The following NAIP variants were observed in gnomAD, a reference collection of about 807,000 sequenced individuals.
NAIP encodes the protein baculoviral IAP repeat-containing protein 1.
Under a neutral mutation model 23.0 loss-of-function variants are expected in NAIP, and 15 were observed. The ratio of observed to expected loss-of-function variants is 0.65; its 90% CI spans 0.44 to 1.00. NAIP has a LOEUF of 1.00. Among genes scored for constraint, NAIP ranks in the 50% least tolerant of loss-of-function variants. The pLI is 0.00. For synonymous variants in NAIP, 100 were observed against 100.2 expected, an observed-to-expected ratio of 1.00 and a Z score of 0.01; for missense variants, 265 against 278.8, an observed-to-expected ratio of 0.95 and a Z score of 0.35.
In NAIP at chr5:71,010,507, TC is replaced by T. The variant is rs1282749028; in HGVS notation, c.668+767del. On this transcript the variant is annotated intron_variant, in intron 5 of 16. Transcript: ENST00000517649. ...ATGGTCTTGATTTCCTGACCTCGGA[TC>T]CACCGGCCTCAGCCTCCCAAAGTGC... Among the ~76,000 whole-genome samples the T allele has an allele frequency of 1.0e-3, 153 of 151,588 alleles. 3 individuals carry two copies. The highest frequency in any genetic ancestry group is 9.7e-3 in the Admixed American group (147 of 15,210).
In NAIP at chr5:71,012,377, A is replaced by T; in HGVS notation, c.539T>A (p.Val180Glu). The T allele has an allele frequency of 6.2e-7, 1 of 1,610,224 alleles. No individual in the cohort carries two copies. ...PFYVQGISPC[V>E]LSEAGFVFTG... ...AAAGACAAAGCCAGCCTCTGAGAGC[A>T]CACAAGGGGATATCCCTTGGACATA... The change falls in exon 4 of 17, where the codon GTG becomes GAG. Residue 180 changes from valine (V) to glutamate (E), a missense_variant. Around this residue, in one of 2 missense-constraint regions of NAIP, gnomAD observed 261 missense variants for 259.2 expected, o/e 1.01. Transcript: ENST00000517649.
rs566910655 is a variant in NAIP at position 71,012,498 on chromosome 5, T to A, written c.418A>T (p.Ile140Leu). The change falls in exon 4 of 17, where the codon ATA (isoleucine) becomes TTA (leucine). Residue 140 changes from isoleucine (I) to leucine (L), a missense_variant. Coordinates refer to ENST00000517649, the MANE Select transcript of NAIP (RefSeq NM_004536.3). ...CTGCTCTTCAGATTCTTCACCCTTA[T>A]GTCGTACTTGGCAATGTTACCAACA... ...KDVGNIAKYD[I>L]RVKNLKSRLR... 2 of 1,611,748 alleles carry A rather than the reference T, an allele frequency of 1.2e-6. No individual in the cohort carries two copies. The highest frequency in any genetic ancestry group is 2.2e-5 in the South Asian group (2 of 90,954).
At chr5:71,012,975 C>T in intron 3 of NAIP, 57 bp from the exon 4 acceptor site, 2 of 1,386,246 alleles carry the variant, frequency 1.4e-6, no homozygotes, top group East Asian at 2.4e-5. Flanking sequence ...CTTAGAAGAG[C>T]ATTTCCCACT....
intron 3 of NAIP, among the ~76,000 whole-genome samples, chr5:71,017,913 C>T (rs1277823152): frequency 3.7e-5 from 5 of 134,566 alleles, no homozygotes; most frequent in Non-Finnish European, 1.6e-5. Context: ...AGTACAAGTG[C>T]AGTGGCATGA....
chr5:71,014,016 C>T (rs1751306585), intron 3 of NAIP, among the ~76,000 whole-genome samples: 2 of 151,400 alleles, frequency 1.3e-5, no homozygotes, highest in South Asian at 4.2e-4. Flanking sequence ...AACTAATTTT[C>T]GTGCCTTTTT....
chr5:71,014,925 G>A (rs1449089228), intron 3 of NAIP, among the ~76,000 whole-genome samples: 5 of 151,600 alleles, frequency 3.3e-5, no homozygotes, highest in African/African-American at 7.2e-5. Context: ...AAAAGATATA[G>A]TATTTTCCAG....
chr5:70,996,629 AT>A (rs1455822540), intron 9 of NAIP, among the ~76,000 whole-genome samples: 29 of 135,756 alleles, frequency 2.1e-4, no homozygotes, highest in Admixed American at 6.2e-4. Flanking sequence ...TACTAAAAAA[AT>A]AAATAAAAAA....
chr5:71,009,626 G>T (rs1184961893), intron 5 of NAIP, among the ~76,000 whole-genome samples: 2 of 151,446 alleles, frequency 1.3e-5, no homozygotes, highest in Non-Finnish European at 2.9e-5. Flanking sequence ...AGAGGTGGAG[G>T]TTGCAGTGAG....
intron 2 of NAIP, among the ~76,000 whole-genome samples, chr5:71,022,955 AT>A (rs1174235436): frequency 4.9e-4 from 2 of 4,050 alleles, no homozygotes; most frequent in African/African-American, 7.9e-4. Context: ...GTTCTATTTT[AT>A]TTTTTTTTAC....
intron 3 of NAIP, among the ~76,000 whole-genome samples, chr5:71,018,086 G>GT (rs1751526046): frequency 1.4e-5 from 1 of 72,792 alleles, no homozygotes. Flanking sequence ...AAAGGAACTA[G>GT]TAAGTCTTCA....
At chr5:71,002,399 G>GTTTT in intron 6 of NAIP, among the ~76,000 whole-genome samples, 1 of 37,510 alleles carries the variant, frequency 2.7e-5, no homozygotes, top group Non-Finnish European at 4.7e-5. Flanking sequence ...GATGTTGGAG[G>GTTTT]TCTTTTTTTT....
Position 71,012,907 on chromosome 5 carries a change from G to T in NAIP, c.9C>A (p.Thr3=). MA[T]QQKASDERIS... Reference sequence around the variant, plus strand: ...TCCTCTCGTCAGAGGCTTTCTGCTGGGTGGCCATTTTCTGAAAAGGAAAAT... The same window carrying T: ...TCCTCTCGTCAGAGGCTTTCTGCTGTGTGGCCATTTTCTGAAAAGGAAAAT... Residue 3 remains threonine (T), a synonymous_variant, in exon 4 of 17, where the codon ACC becomes ACA. Coordinates refer to ENST00000517649, the MANE Select transcript of NAIP (RefSeq NM_004536.3). 6.3e-7 allele frequency: 1 copy of T among 1,579,128 alleles called. No homozygotes were observed.
chr5:71,009,475 G>T (rs1438556987), intron 5 of NAIP, among the ~76,000 whole-genome samples: 1 of 150,636 alleles, frequency 6.6e-6, no homozygotes, highest in Admixed American at 6.6e-5. Context: ...TGGATCACTT[G>T]AGGCCAGGAA....
At chr5:71,002,425 T>G (rs1468766967) in intron 6 of NAIP, among the ~76,000 whole-genome samples, 27 of 120,786 alleles carry the variant, frequency 2.2e-4, no homozygotes, top group Admixed American at 2.5e-4. Context: ...TTTTTTTTTT[T>G]TGAGACAGAG....
Position 71,011,378 on chromosome 5 carries a change from T to C in NAIP, c.569-4A>G, listed in dbSNP as rs1462862217. ...CACTGTACCGTGTCCTGTTTACCTA[T>C]ATATGAAGGAAAATATTTAGATTGC... On this transcript the variant is annotated splice_region_variant and splice_polypyrimidine_tract_variant and intron_variant, in intron 4 of 16. Transcript: ENST00000517649. The C allele has an allele frequency of 3.8e-6, 6 of 1,584,648 alleles. No individual in the cohort carries two copies. The highest frequency in any genetic ancestry group is 1.4e-5 in the African/African-American group (1 of 73,852).
rs891800250 is a variant in NAIP, at chr5:71,013,521, T to C, written c.-3-603A>G. On this transcript the variant is annotated intron_variant, in intron 3 of 16. Transcript: ENST00000517649. ...CGGGCGTGGTGGCGGGCGCCTGTAGTCCCAGCTACTCGGGAGGCTGAGGCA... is the reference window on the plus strand; with the variant it reads ...CGGGCGTGGTGGCGGGCGCCTGTAGCCCCAGCTACTCGGGAGGCTGAGGCA... 8.0e-5 allele frequency among the ~76,000 whole-genome samples: 12 copies of C among 150,376 alleles called. 1 individual carries two copies. The East Asian group carries it at 1.6e-3, about 20-fold the overall frequency.
In NAIP at chr5:71,012,640, T is replaced by G; in HGVS notation, c.276A>C (p.Lys92Asn). ...TACAGCAGAAGCACTGAATCCCAGA[T>G]TTTACCCCAGTGAAGTAAAACCCAG... Reference protein sequence around the residue: ...AAAGFYFTGVKSGIQCFCCSL... With the variant: ...AAAGFYFTGVNSGIQCFCCSL... Residue 92 changes from lysine to asparagine, a missense_variant, in exon 4 of 17, where the codon AAA becomes AAC. By Grantham distance (94) the Lys-to-Asn change is moderately conservative. Coordinates refer to ENST00000517649, the MANE Select transcript of NAIP (RefSeq NM_004536.3). 1 of 1,611,916 alleles carries G rather than the reference T, an allele frequency of 6.2e-7. No homozygotes were observed. The highest frequency in any genetic ancestry group is 1.3e-5 in the African/African-American group (1 of 74,844).
At chr5:71,013,695 G>A (rs1245591221) in intron 3 of NAIP, among the ~76,000 whole-genome samples, 2 of 150,166 alleles carry the variant, frequency 1.3e-5, no homozygotes, top group Non-Finnish European at 3.0e-5. Flanking sequence ...GTTTTTCAAA[G>A]GACATATACC....
In NAIP at chr5:71,014,149, G is replaced by A. The variant is rs192036688; in HGVS notation, c.-3-1231C>T. 3.3e-5 allele frequency among the ~76,000 whole-genome samples: 5 copies of A among 150,140 alleles called. No homozygotes were observed. The East Asian group carries it at 9.9e-4, about 30-fold the overall frequency. ...GTCTCACTCTGTCACCCAGGCTGGAGTGCAGTGGCGTGGCCTCGGCTCACT... is the reference window on the plus strand; with the variant it reads ...GTCTCACTCTGTCACCCAGGCTGGAATGCAGTGGCGTGGCCTCGGCTCACT... On this transcript the variant is annotated intron_variant, in intron 3 of 16. Coordinates refer to ENST00000517649, the MANE Select transcript of NAIP (RefSeq NM_004536.3).
Sources: gnomAD v4.1 joint callset for allele counts (sites outside exome capture counted in the v4.1 genomes callset) on GRCh38, gnomAD v4.1.1 for gene constraint, gnomAD v4.1.1 regional missense constraint, MANE v1.5 for transcripts, NCBI Gene and HGNC (gene_info 2026-07-23, HGNC 2026-07-21) for gene names.